The following ZC2HC1B variants were observed in gnomAD, a reference collection of about 807,000 sequenced individuals.
ZC2HC1B encodes zinc finger C2HC-type containing 1B.
In ZC2HC1B, 36 loss-of-function variants were observed where a neutral mutation model predicts 31.0. The ratio of observed to expected loss-of-function variants is 1.16; its 90% CI spans 0.89 to 1.54. The LOEUF is 1.54. Ranked by LOEUF, ZC2HC1B falls within the 40% of genes most tolerant of loss-of-function variation. ZC2HC1B has a pLI of 0.00. For synonymous variants in ZC2HC1B, 73 were observed against 88.0 expected (o/e 0.83, Z 0.95); for missense variants, 260 against 268.6 (o/e 0.97, Z 0.22).
intron 6 of ZC2HC1B, among the ~76,000 whole-genome samples, chr6:143,935,646 CTTTTTTTTTTT>C (rs759896830): frequency 0.034 from 1,879 of 55,872 alleles, 61 homozygotes; most frequent in African/African-American, 0.12. Context: ...TGGTATCACT[CTTTTTTTTTTT>C]TTTTTTTTTT....
Position 143,865,374 on chromosome 6 carries a change from T to C in ZC2HC1B, c.28+807T>C, listed in dbSNP as rs74396696. Among the ~76,000 whole-genome samples the C allele has an allele frequency of 0.014, 2,189 of 152,286 alleles. 47 individuals carry two copies. Among genetic ancestry groups the C allele is most frequent in the African/African-American group, 0.05 (2,092 of 41,546 alleles). On this transcript the variant is annotated intron_variant, in intron 1 of 7. Transcript: ENST00000237275. The surrounding 1 kb of genome is among the most constrained non-coding windows in gnomAD (Gnocchi z 4.4). Reference sequence around the variant, plus strand: ...CACTTGTAATTAGAATCTTGGTACTTGCTGTTCCCCCAGAAGTGCTTTCAC... The same window carrying C: ...CACTTGTAATTAGAATCTTGGTACTCGCTGTTCCCCCAGAAGTGCTTTCAC...
chr6:143,909,336 G>T (rs1041309635), intron 6 of ZC2HC1B, among the ~76,000 whole-genome samples: 3 of 152,090 alleles, frequency 2.0e-5, no homozygotes, highest in Non-Finnish European at 4.4e-5. Context: ...GGCAGAGGTT[G>T]CAGTGAGCTG....
chr6:143,926,204 G>A (rs1778039847), intron 6 of ZC2HC1B, among the ~76,000 whole-genome samples: 1 of 151,938 alleles, frequency 6.6e-6, no homozygotes, highest in Admixed American at 6.6e-5. Context: ...TATTGAGGGG[G>A]CATCCTTAGC....
At chr6:143,910,605 T>C (rs1777845131) in intron 6 of ZC2HC1B, among the ~76,000 whole-genome samples, 1 of 152,250 alleles carries the variant, frequency 6.6e-6, no homozygotes, top group Non-Finnish European at 1.5e-5. Flanking sequence ...AGTCTAAGTC[T>C]CTGAAAGCCT....
rs1777545284 is a variant in ZC2HC1B, at chr6:143,887,582, T to C, written c.349+761T>C. Among the ~76,000 whole-genome samples, 1 of 152,114 alleles carries C rather than the reference T, an allele frequency of 6.6e-6. No homozygotes were observed. Among genetic ancestry groups the C allele is most frequent in the Non-Finnish European group, 1.5e-5 (1 of 68,012 alleles). On this transcript the variant is annotated intron_variant, in intron 4 of 7. Coordinates refer to ENST00000237275, the MANE Select transcript of ZC2HC1B (RefSeq NM_001013623.3). The surrounding 1 kb of genome is among the most constrained non-coding windows in gnomAD (Gnocchi z 5.1). ...CCACAACCCAGGATCCAATCACAGT[T>C]TACATATTACCTTTTGTTATCTCTT... is the stretch of plus-strand genomic sequence containing the variant.
intron 1 of ZC2HC1B, among the ~76,000 whole-genome samples, chr6:143,879,900 C>A (rs1189696052): frequency 7.2e-6 from 1 of 138,588 alleles, no homozygotes; most frequent in African/African-American, 2.6e-5. Flanking sequence ...TCATGGCTCA[C>A]TGCAACCTCA....
Position 143,905,736 on chromosome 6 carries a change from CTTAG to C in ZC2HC1B, c.598+2587_598+2590del, listed in dbSNP as rs1033540164. 6.6e-6 allele frequency among the ~76,000 whole-genome samples: 1 copy of C among 151,988 alleles called. No individual in the cohort carries two copies. The highest frequency in any genetic ancestry group is 6.5e-5 in the Admixed American group (1 of 15,276). On this transcript the variant is annotated intron_variant, in intron 6 of 7. Coordinates refer to ENST00000237275, the MANE Select transcript of ZC2HC1B (RefSeq NM_001013623.3). This position sits in a 1 kb window ranked among gnomAD's most constrained non-coding sequence, Gnocchi z 4.2. Reference sequence around the variant, plus strand: ...TATGTTGAGGTAGTTTCCTTCTATTCTTAGTTTGTTGAGTGTTTTTATCATGAAA... The same window carrying C: ...TATGTTGAGGTAGTTTCCTTCTATTCTTTGTTGAGTGTTTTTATCATGAAA...
At chr6:143,907,759 G>C (rs894520386) in intron 6 of ZC2HC1B, among the ~76,000 whole-genome samples, 1 of 152,084 alleles carries the variant, frequency 6.6e-6, no homozygotes, top group Non-Finnish European at 1.5e-5. Flanking sequence ...TTCTTTTGCT[G>C]TACAGAAGTT....
rs1465873665 is a variant in ZC2HC1B, at chr6:143,895,605, C to G, written c.350-2947C>G. ...GTTTTTGAGACATGCCTATATTCTA[C>G]TTTTTAGTGACTTAGCTAAGTCTGT... On this transcript the variant is annotated intron_variant, in intron 4 of 7. Coordinates refer to ENST00000237275, the MANE Select transcript of ZC2HC1B (RefSeq NM_001013623.3). This position sits in a 1 kb window ranked among gnomAD's most constrained non-coding sequence, Gnocchi z 4.8. Among the ~76,000 whole-genome samples, 5 of 152,140 alleles carry G rather than the reference C, an allele frequency of 3.3e-5. No homozygotes were observed. The East Asian group carries it at 9.6e-4, about 29-fold the overall frequency.
intron 1 of ZC2HC1B, among the ~76,000 whole-genome samples, chr6:143,878,453 G>A (rs1402783381): frequency 6.6e-6 from 1 of 150,588 alleles, no homozygotes; most frequent in Admixed American, 6.6e-5. Context: ...ACTCCAGCCT[G>A]GGTGACAGAG....
At position 143,903,855 on chromosome 6, in the gene ZC2HC1B, A is replaced by C. The variant is rs574821269; in HGVS notation, c.598+703A>C. On this transcript the variant is annotated intron_variant, in intron 6 of 7. Coordinates refer to ENST00000237275, the MANE Select transcript of ZC2HC1B (RefSeq NM_001013623.3). The surrounding 1 kb of genome is among the most constrained non-coding windows in gnomAD (Gnocchi z 4.3). ...GCTATGTAAGTAGTTGTTATGCTATATTAAAATTGTTGTATTATTTTTTAT... is the reference window on the plus strand; with the variant it reads ...GCTATGTAAGTAGTTGTTATGCTATCTTAAAATTGTTGTATTATTTTTTAT... Among the ~76,000 whole-genome samples, 1 of 152,366 alleles carries C rather than the reference A, an allele frequency of 6.6e-6. No individual in the cohort carries two copies. The highest frequency in any genetic ancestry group is 6.5e-5 in the Admixed American group (1 of 15,300).
Position 143,899,469 on chromosome 6 carries a change from A to G in ZC2HC1B, c.489+778A>G, listed in dbSNP as rs549990216. On this transcript the variant is annotated intron_variant, in intron 5 of 7. Transcript: ENST00000237275. The surrounding 1 kb of genome is among the most constrained non-coding windows in gnomAD (Gnocchi z 5.0). ...TGGCTCATTGCAGCTTTGACCTCCC[A>G]GGTGCAGGTGATACTCCCACCTCGG... 6.6e-6 allele frequency among the ~76,000 whole-genome samples: 1 copy of G among 152,244 alleles called. No individual in the cohort carries two copies. The highest frequency in any genetic ancestry group is 1.9e-4 in the East Asian group (1 of 5,180).
chr6:143,898,530 T>G, intron 4 of ZC2HC1B, 22 bp from the exon 5 acceptor site: 2 of 1,550,280 alleles, frequency 1.3e-6, no homozygotes, highest in Non-Finnish European at 1.7e-6. Context: ...TAATTGCCAT[T>G]TGTTGTTATC....
At chr6:143,896,156 C>A (rs888256595) in intron 4 of ZC2HC1B, among the ~76,000 whole-genome samples, 6 of 152,322 alleles carry the variant, frequency 3.9e-5, no homozygotes, top group Admixed American at 3.3e-4. Flanking sequence ...AGTGCCTCTT[C>A]TTCTACAGTT....
rs1323901138 is a variant in ZC2HC1B, at chr6:143,913,246, G to T, written c.598+10094G>T. On this transcript the variant is annotated intron_variant, in intron 6 of 7. Transcript: ENST00000237275. The surrounding 1 kb of genome is among the most constrained non-coding windows in gnomAD (Gnocchi z 5.7). ...GAAGGTTCTACCCAGTGAGGAAGAA[G>T]CAGTCTGGCTGTGATCTGGCAAAGC... Among the ~76,000 whole-genome samples, 1 of 152,246 alleles carries T rather than the reference G, an allele frequency of 6.6e-6. No homozygotes were observed. Among genetic ancestry groups the T allele is most frequent in the African/African-American group, 2.4e-5 (1 of 41,480 alleles).
chr6:143,927,760 T>A (rs562858639), intron 6 of ZC2HC1B, among the ~76,000 whole-genome samples: 55 of 152,320 alleles, frequency 3.6e-4, no homozygotes, highest in African/African-American at 1.3e-3. Context: ...TCTACCAACA[T>A]TTATAAGTGT....
chr6:143,878,462 A>G (rs2128493564), intron 1 of ZC2HC1B, among the ~76,000 whole-genome samples: 1 of 150,626 alleles, frequency 6.6e-6, no homozygotes, highest in South Asian at 2.1e-4. Context: ...TGGGTGACAG[A>G]GCAAGACCTT....
chr6:143,901,250 CTTTTTTTTTTTTTT>C (rs760366226), intron 5 of ZC2HC1B, among the ~76,000 whole-genome samples: 3 of 90,496 alleles, frequency 3.3e-5, no homozygotes, highest in African/African-American at 1.1e-4. Flanking sequence ...TTCTTTCTTC[CTTTTTTTTTTTTTT>C]TTTTTTTTTT....
chr6:143,929,846 C>A (rs776267515), intron 6 of ZC2HC1B, among the ~76,000 whole-genome samples: 5 of 151,996 alleles, frequency 3.3e-5, no homozygotes, highest in African/African-American at 4.8e-5. Context: ...CAAATTTATC[C>A]CCTTCCTCTA....
Sources: gnomAD v4.1 joint callset for allele counts (sites outside exome capture counted in the v4.1 genomes callset) on GRCh38, gnomAD v4.1.1 for gene constraint, Gnocchi (gnomAD v3.1) non-coding constraint, MANE v1.5 for transcripts, NCBI Gene and HGNC (gene_info 2026-07-23, HGNC 2026-07-21) for gene names.